SPATA16: variants seen among roughly 807,000 people sequenced by gnomAD.
SPATA16 encodes spermatogenesis associated 16.
A neutral mutation model predicts 63.3 loss-of-function variants in SPATA16; 36 were observed. The observed-to-expected ratio is 0.57, with a 90% CI of 0.44 to 0.75. The LOEUF (loss-of-function observed/expected upper bound fraction) is 0.75. Ranked by LOEUF, SPATA16 falls within the 30% of genes least tolerant of loss-of-function variation. SPATA16 has a pLI of 0.00. For missense variants in SPATA16, 646 were observed against 679.3 expected (o/e 0.95, Z 0.54); for synonymous variants, 203 against 216.7 (o/e 0.94, Z 0.56).
At position 172,904,445 on chromosome 3, in the gene SPATA16, A is replaced by G. The variant is rs1732192450; in HGVS notation, c.1587+9216T>C. On this transcript the variant is annotated intron_variant, in intron 10 of 10. Transcript: ENST00000351008. ...TTTAAAAGTGGCCGAGCTCCTGGAT[A>G]CATGCTCCCTAGATGAGGGCCATGC... 2.0e-5 allele frequency among the ~76,000 whole-genome samples: 3 copies of G among 152,184 alleles called. No individual in the cohort carries two copies. In the South Asian group the frequency reaches 6.2e-4, roughly 32 times the overall value.
chr3:173,094,198 G>A (rs1209572152), intron 2 of SPATA16, among the ~76,000 whole-genome samples: 1 of 151,880 alleles, frequency 6.6e-6, no homozygotes, highest in Non-Finnish European at 1.5e-5. Flanking sequence ...ATAATTGCTG[G>A]GCTTGTTCTG....
intron 1 of SPATA16, among the ~76,000 whole-genome samples, chr3:173,124,834 C>T (rs1219003291): frequency 1.3e-5 from 2 of 152,074 alleles, no homozygotes; most frequent in Non-Finnish European, 1.5e-5. Context: ...TTTTCTCTTC[C>T]ACCAAGAGCC....
intron 10 of SPATA16, among the ~76,000 whole-genome samples, chr3:172,903,600 T>C (rs1290593499): frequency 6.6e-6 from 1 of 152,232 alleles, no homozygotes; most frequent in South Asian, 2.1e-4. Context: ...GATTATTCAC[T>C]AGAGAGTGAC....
At chr3:173,020,444 C>T (rs990562065) in intron 3 of SPATA16, among the ~76,000 whole-genome samples, 2 of 152,116 alleles carry the variant, frequency 1.3e-5, no homozygotes, top group African/African-American at 4.8e-5. Context: ...TTTGTTAAGG[C>T]CTTTCCTCAC....
chr3:173,124,941 C>T (rs534173713), intron 1 of SPATA16, among the ~76,000 whole-genome samples: 1 of 152,212 alleles, frequency 6.6e-6, no homozygotes, highest in African/African-American at 2.4e-5. Context: ...CCTAACTACC[C>T]GTGTTACAAC....
intron 4 of SPATA16, among the ~76,000 whole-genome samples, chr3:173,011,217 A>G (rs1735067680): frequency 6.6e-6 from 1 of 152,222 alleles, no homozygotes; most frequent in Non-Finnish European, 1.5e-5. Flanking sequence ...TCACCATAAT[A>G]AAGTAAGCTT....
At chr3:173,022,788 G>A (rs1735364433) in intron 3 of SPATA16, among the ~76,000 whole-genome samples, 1 of 151,752 alleles carries the variant, frequency 6.6e-6, no homozygotes, top group South Asian at 2.1e-4. Flanking sequence ...CAATCTCAGA[G>A]CTGATTGGTC....
chr3:173,041,720 G>A (rs901642158), intron 3 of SPATA16, among the ~76,000 whole-genome samples: 5 of 151,436 alleles, frequency 3.3e-5, no homozygotes, highest in African/African-American at 1.2e-4. Context: ...ATCTAATGTT[G>A]TTGATGTGTT....
At chr3:172,921,978 G>A (rs145493978) in intron 8 of SPATA16, among the ~76,000 whole-genome samples, 2,941 of 152,236 alleles carry the variant, frequency 0.019, 30 homozygotes, top group Middle Eastern at 0.058. Context: ...ATGTCATTTG[G>A]TATCTGACAA....
chr3:173,136,627 T>C (rs952499616), intron 1 of SPATA16, among the ~76,000 whole-genome samples: 1 of 152,218 alleles, frequency 6.6e-6, no homozygotes. Flanking sequence ...TTCATACTCA[T>C]TACTGTCAAA....
chr3:172,915,631 A>G (rs1219533566), intron 9 of SPATA16, among the ~76,000 whole-genome samples: 4 of 152,278 alleles, frequency 2.6e-5, no homozygotes, highest in African/African-American at 4.8e-5. Flanking sequence ...ATGAGGTGCT[A>G]TCATTTCTAA....
At chr3:172,959,539 G>C (rs1256725694) in intron 5 of SPATA16, among the ~76,000 whole-genome samples, 2 of 152,118 alleles carry the variant, frequency 1.3e-5, no homozygotes, top group East Asian at 1.9e-4. Flanking sequence ...TAAATAGAGA[G>C]AGTATGTAAT....
chr3:172,981,127 G>A (rs1437727250), intron 4 of SPATA16, among the ~76,000 whole-genome samples: 1 of 152,050 alleles, frequency 6.6e-6, no homozygotes, highest in Non-Finnish European at 1.5e-5. Flanking sequence ...GGCTTCCACT[G>A]TGCCATTATT....
chr3:173,062,593 A>AT (rs531711898), intron 2 of SPATA16, among the ~76,000 whole-genome samples: 158 of 152,302 alleles, frequency 1.0e-3, no homozygotes, highest in African/African-American at 3.5e-3. Context: ...TTTTCAGACA[A>AT]TAAGTGTTAG....
intron 10 of SPATA16, among the ~76,000 whole-genome samples, chr3:172,909,569 A>G (rs1732316025): frequency 6.6e-6 from 1 of 152,154 alleles, no homozygotes; most frequent in Non-Finnish European, 1.5e-5. Flanking sequence ...CCAGTCAACT[A>G]CCTCAGTGAT....
At chr3:173,051,409 A>G (rs565330703) in intron 2 of SPATA16, among the ~76,000 whole-genome samples, 206 of 152,174 alleles carry the variant, frequency 1.4e-3, no homozygotes, top group African/African-American at 4.7e-3. Context: ...TCACCGTGTT[A>G]GCCAGGATGA....
chr3:173,079,261 A>G (rs894907504), intron 2 of SPATA16, among the ~76,000 whole-genome samples: 1 of 152,088 alleles, frequency 6.6e-6, no homozygotes, highest in Non-Finnish European at 1.5e-5. Context: ...TGCAGTCATC[A>G]TTATGACGTG....
At chr3:173,016,865 T>A (rs1231463524) in intron 4 of SPATA16, among the ~76,000 whole-genome samples, 1 of 151,972 alleles carries the variant, frequency 6.6e-6, no homozygotes, top group Non-Finnish European at 1.5e-5. Flanking sequence ...AATACAAAAA[T>A]TAGCTGGGTG....
chr3:173,101,881 C>T (rs529897438), intron 2 of SPATA16, among the ~76,000 whole-genome samples: 13 of 152,242 alleles, frequency 8.5e-5, no homozygotes, highest in Admixed American at 1.3e-4. Context: ...CTTCACTGGA[C>T]GCTTTCTTCT....
Sources: gnomAD v4.1 joint callset for allele counts (sites outside exome capture counted in the v4.1 genomes callset) on GRCh38, gnomAD v4.1.1 for gene constraint, MANE v1.5 for transcripts, NCBI Gene and HGNC (gene_info 2026-07-23, HGNC 2026-07-21) for gene names.